AMPH: variants seen among roughly 807,000 people sequenced by gnomAD.
The protein encoded by AMPH is amphiphysin, also known as amphiphysin (Stiff-Mann syndrome with breast cancer 128kD autoantigen).
Under a neutral mutation model 99.1 loss-of-function variants are expected in AMPH, and 49 were observed. The ratio of observed to expected loss-of-function variants is 0.49; its 90% CI spans 0.39 to 0.63. The LOEUF (loss-of-function observed/expected upper bound fraction) is 0.63. AMPH is among the 20% of genes least tolerant of loss of function. The pLI is 0.00. For synonymous variants in AMPH, 314 were observed against 317.3 expected, an observed-to-expected ratio of 0.99 and a Z score of 0.11; for missense variants, 759 against 863.4, an observed-to-expected ratio of 0.88 and a Z score of 1.52.
intron 7 of AMPH, 49 bp from the exon 8 acceptor site, chr7:38,466,297 T>C: frequency 7.0e-7 from 1 of 1,428,714 alleles, no homozygotes; most frequent in Non-Finnish European, 9.6e-7. Flanking sequence ...GAAAGACCAG[T>C]CAGTAAAAAT....
At position 38,559,685 on chromosome 7, in the gene AMPH, GTCCCATT is replaced by G. The variant is rs930493479; in HGVS notation, c.70-24681_70-24675del. On this transcript the variant is annotated intron_variant, in intron 1 of 20. Coordinates refer to ENST00000356264, the MANE Select transcript of AMPH (RefSeq NM_001635.4). The stretch of plus-strand genomic sequence containing the variant: ...ACCCTATAATATAGGTACATTACTA[GTCCCATT>G]TTACAGATGAGAAAACTGAGGCTTA... 3.3e-5 allele frequency among the ~76,000 whole-genome samples: 5 copies of G among 152,298 alleles called. 1 individual carries two copies. The Middle Eastern group carries it at 0.01, about 311-fold the overall frequency.
At chr7:38,618,262 C>A (rs1793940057) in intron 1 of AMPH, among the ~76,000 whole-genome samples, 1 of 151,714 alleles carries the variant, frequency 6.6e-6, no homozygotes, top group Non-Finnish European at 1.5e-5. Flanking sequence ...CCTATAATCC[C>A]AGCACTTTGG....
chr7:38,615,811 G>T (rs1372271231), intron 1 of AMPH, among the ~76,000 whole-genome samples: 1 of 152,168 alleles, frequency 6.6e-6, no homozygotes, highest in Non-Finnish European at 1.5e-5. Flanking sequence ...AGACACAGCA[G>T]GTTAGCTACT....
In AMPH at chr7:38,571,107, C is replaced by CGA. The variant is rs1491238580; in HGVS notation, c.70-36097_70-36096insTC. Reference sequence around the variant, plus strand: ...TATTCATATATTGAATATATATATTCATATATACAGTATATATGAATATAT... The same window carrying CGA: ...TATTCATATATTGAATATATATATTCGAATATATACAGTATATATGAATATAT... On this transcript the variant is annotated intron_variant, in intron 1 of 20. Transcript: ENST00000356264. Among the ~76,000 whole-genome samples, 54 of 52,684 alleles carry CGA rather than the reference C, an allele frequency of 1.0e-3. 7 individuals carry two copies. The highest frequency in any genetic ancestry group is 8.8e-3 in the East Asian group (11 of 1,254). The allele number at this position is 52,684 out of a possible 152,430, so 34.6% of individuals were successfully genotyped here.
chr7:38,575,659 G>A (rs1273206937), intron 1 of AMPH, among the ~76,000 whole-genome samples: 1 of 152,082 alleles, frequency 6.6e-6, no homozygotes, highest in Non-Finnish European at 1.5e-5. Context: ...TATTATAAGT[G>A]TCCTGAGGCC....
chr7:38,527,580 T>C (rs1790234144), intron 2 of AMPH, among the ~76,000 whole-genome samples: 1 of 152,238 alleles, frequency 6.6e-6, no homozygotes, highest in African/African-American at 2.4e-5. Context: ...TTGATATTTA[T>C]GTGTTGATCT....
intron 1 of AMPH, among the ~76,000 whole-genome samples, chr7:38,616,971 A>G (rs17171420): frequency 6.6e-6 from 1 of 152,128 alleles, no homozygotes; most frequent in South Asian, 2.1e-4. Context: ...TACAGATAGA[A>G]GTAGATATAA....
At chr7:38,390,154 A>G (rs1280794552) in intron 19 of AMPH, among the ~76,000 whole-genome samples, 1 of 152,194 alleles carries the variant, frequency 6.6e-6, no homozygotes, top group East Asian at 1.9e-4. Flanking sequence ...ATTTTAATTC[A>G]TCTTATTTTT....
intron 1 of AMPH, among the ~76,000 whole-genome samples, chr7:38,577,921 T>C (rs1351402584): frequency 6.6e-6 from 1 of 152,150 alleles, no homozygotes; most frequent in Non-Finnish European, 1.5e-5. Flanking sequence ...TTGGAAGTCA[T>C]CTCTACATCC....
chr7:38,603,895 G>A (rs1445978544), intron 1 of AMPH, among the ~76,000 whole-genome samples: 1 of 152,232 alleles, frequency 6.6e-6, no homozygotes, highest in African/African-American at 2.4e-5. Flanking sequence ...TAAGAAAAGA[G>A]ATGCACATTT....
At chr7:38,621,611 AATC>A (rs1409417841) in intron 1 of AMPH, among the ~76,000 whole-genome samples, 1 of 152,160 alleles carries the variant, frequency 6.6e-6, no homozygotes, top group East Asian at 1.9e-4. Context: ...GATAGGGAAA[AATC>A]ATATATATAT....
chr7:38,399,791 A>G (rs1343513063), intron 17 of AMPH, among the ~76,000 whole-genome samples: 2 of 152,186 alleles, frequency 1.3e-5, no homozygotes, highest in African/African-American at 4.8e-5. Flanking sequence ...TCTTCACTCT[A>G]AATGTTCAGA....
At chr7:38,473,072 T>A (rs1787943754) in intron 7 of AMPH, among the ~76,000 whole-genome samples, 3 of 152,220 alleles carry the variant, frequency 2.0e-5, no homozygotes, top group Non-Finnish European at 4.4e-5. Flanking sequence ...TCTTGGCAAT[T>A]CTGGCAATTT....
intron 1 of AMPH, among the ~76,000 whole-genome samples, chr7:38,553,853 T>G (rs1249347735): frequency 6.6e-6 from 1 of 152,182 alleles, no homozygotes; most frequent in Non-Finnish European, 1.5e-5. Context: ...AAGAGTTTGG[T>G]TTTGGCTACA....
At chr7:38,403,071 A>G (rs1290913008) in intron 17 of AMPH, among the ~76,000 whole-genome samples, 1 of 152,012 alleles carries the variant, frequency 6.6e-6, no homozygotes, top group Non-Finnish European at 1.5e-5. Flanking sequence ...GTTTTTTCCA[A>G]GATGGCTGAC....
At position 38,500,931 on chromosome 7, in the gene AMPH, A is replaced by G. The variant is rs531990802; in HGVS notation, c.205+2719T>C. ...GTTAGAAACAGGTAATATGCCTAAA[A>G]TGCTTAGCACAGACTCTAACACATA... On this transcript the variant is annotated intron_variant, in intron 3 of 20. Coordinates refer to ENST00000356264, the MANE Select transcript of AMPH (RefSeq NM_001635.4). 3.9e-5 allele frequency among the ~76,000 whole-genome samples: 6 copies of G among 152,362 alleles called. No individual in the cohort carries two copies. The East Asian group carries it at 9.6e-4, about 24-fold the overall frequency.
intron 1 of AMPH, among the ~76,000 whole-genome samples, chr7:38,593,382 GC>G (rs996683927): frequency 1.3e-5 from 2 of 152,180 alleles, no homozygotes; most frequent in Non-Finnish European, 2.9e-5. Context: ...CTCCCAGTGT[GC>G]CCTACCAAAT....
chr7:38,505,784 C>A (rs966118327), intron 2 of AMPH, among the ~76,000 whole-genome samples: 1 of 151,972 alleles, frequency 6.6e-6, no homozygotes, highest in African/African-American at 2.4e-5. Flanking sequence ...CATATTGCAA[C>A]AAAAGAAGTG....
rs75630549 is a variant in AMPH, at chr7:38,619,706, T to C, written c.69+11577A>G. Among the ~76,000 whole-genome samples the C allele has an allele frequency of 4.1e-3, 622 of 152,324 alleles. 4 individuals carry two copies. The highest frequency in any genetic ancestry group is 6.8e-3 in the Middle Eastern group (2 of 294). ...CTCCACCTACAATGGATTCACTGTC[T>C]ATGCTTAACAGGAACAACTATGGGC... On this transcript the variant is annotated intron_variant, in intron 1 of 20. Coordinates refer to ENST00000356264, the MANE Select transcript of AMPH (RefSeq NM_001635.4).
Sources: allele counts gnomAD v4.1 joint callset (sites outside exome capture counted in the v4.1 genomes callset), GRCh38; gene constraint gnomAD v4.1.1; transcripts MANE v1.5; gene names NCBI Gene and HGNC (gene_info 2026-07-23, HGNC 2026-07-21).